OR5H15: variants seen among roughly 807,000 people sequenced by gnomAD.
The protein encoded by OR5H15 is olfactory receptor 5H15.
For missense variants in OR5H15, 405 were observed against 366.1 expected, an observed-to-expected ratio of 1.11 and a Z score of -0.87; for synonymous variants, 153 against 129.1, an observed-to-expected ratio of 1.19 and a Z score of -1.26.
rs4133321 is a variant in OR5H15 at position 98,169,141 on chromosome 3, T to A, written c.442T>A (p.Ser148Thr). The change falls in exon 2 of 2, where the codon TCA becomes ACA. Residue 148 changes from serine (S) to threonine (T), a missense_variant. Ser to Thr is a moderately conservative substitution (Grantham distance 58, BLOSUM62 1). Transcript: ENST00000641450. ...ACTGTGCATCCGGCTATTAATCTTG[T>A]CATATATAGCTGGTATTCTTCATGC... ...NGLCIRLLIL[S>T]YIAGILHALI... 890,237 of 1,612,502 alleles carry A rather than the reference T, an allele frequency of 0.55. 246,525 individuals carry two copies. Among genetic ancestry groups the A allele is most frequent in the African/African-American group, 0.62 (46,662 of 74,862 alleles).
In OR5H15 at chr3:98,168,967, A is replaced by G. The variant is rs1264415242; in HGVS notation, c.268A>G (p.Lys90Glu). Reference protein sequence around the residue: ...KMLNNFLAKSKMISLSECKIQ... With the variant: ...KMLNNFLAKSEMISLSECKIQ... ...GCTGAATAACTTCTTAGCTAAGAGT[A>G]AGATGATATCTCTCTCTGAATGCAA... Residue 90 changes from lysine (K) to glutamate (E), a missense_variant, in exon 2 of 2, where the codon AAG becomes GAG. Transcript: ENST00000641450. The G allele has an allele frequency of 3.7e-6, 6 of 1,613,498 alleles. No individual in the cohort carries two copies. Among genetic ancestry groups the G allele is most frequent in the Admixed American group, 1.7e-5 (1 of 59,964 alleles).
At position 98,168,847 on chromosome 3, in the gene OR5H15, T is replaced by G; in HGVS notation, c.148T>G (p.Trp50Gly). 1 of 1,608,024 alleles carries G rather than the reference T, an allele frequency of 6.2e-7. No individual in the cohort carries two copies. Among genetic ancestry groups the G allele is most frequent in the Non-Finnish European group, 8.5e-7 (1 of 1,174,628 alleles). Residue 50 changes from tryptophan (W) to glycine (G), a missense_variant, in exon 2 of 2, where the codon TGG (tryptophan) becomes GGG (glycine). By Grantham distance (184) the Trp-to-Gly change is radical. Coordinates refer to ENST00000641450, the MANE Select transcript of OR5H15 (RefSeq NM_001005515.2). ...MGNLGLIAVI[W>G]KDPHLHIPMY... is the part of the protein sequence containing the mutation. ...GAATCTTGGTCTGATTGCTGTCATC[T>G]GGAAAGACCCTCACCTTCATATCCC...
rs7623331 is a variant in OR5H15 at position 98,169,679 on chromosome 3, C to T, written c.*38C>T. ...ATTTACTAAAATAGTCACAAAATTA[C>T]GCAAGTTAGAGGTACCTATGTTGTT... On this transcript the variant is annotated 3_prime_UTR_variant, in exon 2 of 2. Transcript: ENST00000641450. 6.7e-3 allele frequency: 9,694 copies of T among 1,447,966 alleles called. 397 individuals carry two copies. In the African/African-American group the frequency reaches 0.098, roughly 15 times the overall value. The allele number at this position is 1,447,966 out of a possible 1,614,324, so 89.7% of individuals were successfully genotyped here.
chr3:98,167,731 C>T (rs996414183), intron 1 of OR5H15, among the ~76,000 whole-genome samples: 2 of 152,140 alleles, frequency 1.3e-5, no homozygotes, highest in South Asian at 4.1e-4. Context: ...ATCATTCCTA[C>T]TGAGATTTAA....
rs1407942929 is a variant in OR5H15, at chr3:98,169,772, T to A, written c.*131T>A. The A allele has an allele frequency of 2.9e-6, 2 of 688,666 alleles. No individual in the cohort carries two copies. The highest frequency in any genetic ancestry group is 5.2e-6 in the Non-Finnish European group (2 of 385,830). The allele number at this position is 688,666 out of a possible 1,614,324, so 42.7% of individuals were successfully genotyped here. A position where few individuals can be genotyped will look rare whatever the true frequency, so the allele number is the denominator to read the frequency against. On this transcript the variant is annotated 3_prime_UTR_variant, in exon 2 of 2. Coordinates refer to ENST00000641450, the MANE Select transcript of OR5H15 (RefSeq NM_001005515.2). The stretch of plus-strand genomic sequence containing the variant: ...TTTAATGACCTAACATTTTAGTACC[T>A]AATAAACTAATTAAAATATTTATAT...
rs749955929 is a variant in OR5H15, at chr3:98,168,951, C to T, written c.252C>T (p.Asn84=). 5 of 1,613,582 alleles carry T rather than the reference C, an allele frequency of 3.1e-6. No individual in the cohort carries two copies. In the South Asian group the frequency reaches 4.4e-5, roughly 14 times the overall value. The change falls in exon 2 of 2, where the codon AAC becomes AAT. Residue 84 remains asparagine (N), a synonymous_variant. Coordinates refer to ENST00000641450, the MANE Select transcript of OR5H15 (RefSeq NM_001005515.2). ...SSTVTPKMLN[N]FLAKSKMISL... ...CAGTGACCCCAAAGATGCTGAATAA[C>T]TTCTTAGCTAAGAGTAAGATGATAT...
At position 98,169,577 on chromosome 3, in the gene OR5H15, G is replaced by A; in HGVS notation, c.878G>A (p.Arg293Lys). ...TTAAATCCTATCATCTACAGTCTGA[G>A]AAATAAGCAAGTCATAGTTTCATTC... ...PLLNPIIYSL[R>K]NKQVIVSFIK... Residue 293 changes from arginine to lysine, a missense_variant, in exon 2 of 2, where the codon AGA (arginine) becomes AAA (lysine). Transcript: ENST00000641450. 6.2e-7 allele frequency: 1 copy of A among 1,609,902 alleles called. No homozygotes were observed. The highest frequency in any genetic ancestry group is 8.5e-7 in the Non-Finnish European group (1 of 1,176,748).
At chr3:98,167,732 T>C (rs1210025697) in intron 1 of OR5H15, among the ~76,000 whole-genome samples, 2 of 152,066 alleles carry the variant, frequency 1.3e-5, no homozygotes, top group Non-Finnish European at 2.9e-5. Flanking sequence ...TCATTCCTAC[T>C]GAGATTTAAT....
intron 1 of OR5H15, among the ~76,000 whole-genome samples, chr3:98,167,584 A>G (rs1462029370): frequency 6.6e-6 from 1 of 151,930 alleles, no homozygotes; most frequent in African/African-American, 2.4e-5. Flanking sequence ...CATTTACAGG[A>G]CATATGTCCA....
In OR5H15 at chr3:98,167,623, C is replaced by T. The variant is rs373593380; in HGVS notation, c.-19+792C>T. 5.3e-5 allele frequency among the ~76,000 whole-genome samples: 8 copies of T among 152,080 alleles called. No individual in the cohort carries two copies. In the South Asian group the frequency reaches 8.3e-4, roughly 16 times the overall value. On this transcript the variant is annotated intron_variant, in intron 1 of 1. Transcript: ENST00000641450. ...TGTTAGCTCTTTAATATAACCTGCT[C>T]GAGTTTATTTTCTTGCCATCTTTTT...
rs377430113 is a variant in OR5H15, at chr3:98,168,773, T to C, written c.74T>C (p.Ile25Thr). The change falls in exon 2 of 2, where the codon ATA becomes ACA. Residue 25 changes from isoleucine (I) to threonine (T), a missense_variant. Transcript: ENST00000641450. ...TTTTTATATCAACCACAGTGGAAAA[T>C]ACCCCTGTTCTTGGCATTCTTGGTA... is the stretch of plus-strand genomic sequence containing the variant. ...TGFLYQPQWKIPLFLAFLVIY... is the reference protein window; with the variant it reads ...TGFLYQPQWKTPLFLAFLVIY... 3 of 1,613,272 alleles carry C rather than the reference T, an allele frequency of 1.9e-6. No individual in the cohort carries two copies. The highest frequency in any genetic ancestry group is 4.5e-5 in the East Asian group (2 of 44,854).
Position 98,169,348 on chromosome 3 carries a change from T to A in OR5H15, c.649T>A (p.Ser217Thr). 6.2e-7 allele frequency: 1 copy of A among 1,613,148 alleles called. No individual in the cohort carries two copies. Among genetic ancestry groups the A allele is most frequent in the Non-Finnish European group, 8.5e-7 (1 of 1,179,410 alleles). ...ATTCAGCATTGTGACTATTCTTATA[T>A]CTTACACATTTGTTCTCTTCACAGT... ...QVFSIVTILI[S>T]YTFVLFTVLE... is the part of the protein sequence containing the mutation. Residue 217 changes from serine to threonine, a missense_variant, in exon 2 of 2, where the codon TCT (serine) becomes ACT (threonine). Coordinates refer to ENST00000641450, the MANE Select transcript of OR5H15 (RefSeq NM_001005515.2).
chr3:98,168,870 C>A lies in OR5H15; in HGVS notation c.171C>A (p.Ile57=). 1.2e-6 allele frequency: 2 copies of A among 1,613,422 alleles called. No individual in the cohort carries two copies. Among genetic ancestry groups the A allele is most frequent in the Non-Finnish European group, 1.7e-6 (2 of 1,179,554 alleles). ...AVIWKDPHLH[I]PMYLLLGNLA... ...TCTGGAAAGACCCTCACCTTCATAT[C>A]CCAATGTACTTACTCCTTGGGAATT... The change falls in exon 2 of 2, where the codon ATC becomes ATA. Residue 57 remains isoleucine (I), a synonymous_variant. Coordinates refer to ENST00000641450, the MANE Select transcript of OR5H15 (RefSeq NM_001005515.2).
rs1708779011 is a variant in OR5H15, at chr3:98,169,573, C to G, written c.874C>G (p.Leu292Val). The change falls in exon 2 of 2, where the codon CTG becomes GTG. Residue 292 changes from leucine (L) to valine (V), a missense_variant. Physicochemically the swap from Leu to Val is conservative, Grantham distance 32. Coordinates refer to ENST00000641450, the MANE Select transcript of OR5H15 (RefSeq NM_001005515.2). ...TTTGTTAAATCCTATCATCTACAGT[C>G]TGAGAAATAAGCAAGTCATAGTTTC... ...IPLLNPIIYSLRNKQVIVSFI... is the reference protein window; with the variant it reads ...IPLLNPIIYSVRNKQVIVSFI... 6.2e-7 allele frequency: 1 copy of G among 1,610,064 alleles called. No homozygotes were observed. The highest frequency in any genetic ancestry group is 8.5e-7 in the Non-Finnish European group (1 of 1,176,884).
chr3:98,166,915 G>A (rs868757076), intron 1 of OR5H15, 84 bp downstream of exon 1: 22 of 152,130 alleles, frequency 1.4e-4, no homozygotes, highest in Middle Eastern at 3.4e-3. Flanking sequence ...ATTTTAGATC[G>A]GGTATACAAG....
intron 1 of OR5H15, 110 bp from the exon 2 acceptor site, chr3:98,168,572 A>G (rs1708751803): frequency 8.0e-7 from 1 of 1,248,900 alleles, no homozygotes; most frequent in Non-Finnish European, 1.1e-6. Flanking sequence ...ACTGATCAAA[A>G]AATTGAGAGG....
rs1225584560 is a variant in OR5H15, at chr3:98,169,660, T to C, written c.*19T>C. 12 of 1,530,614 alleles carry C rather than the reference T, an allele frequency of 7.8e-6. No homozygotes were observed. Among genetic ancestry groups the C allele is most frequent in the Admixed American group, 5.2e-5 (3 of 57,844 alleles). 94.8% of individuals were successfully genotyped at this position (1,530,614 alleles called of 1,614,324 possible). On this transcript the variant is annotated 3_prime_UTR_variant, in exon 2 of 2. Transcript: ENST00000641450. ...ATACTAATATCCTTTTTCTATTTACTAAAATAGTCACAAAATTACGCAAGT... is the reference window on the plus strand; with the variant it reads ...ATACTAATATCCTTTTTCTATTTACCAAAATAGTCACAAAATTACGCAAGT...
At chr3:98,167,078 G>C (rs1025155484) in intron 1 of OR5H15, among the ~76,000 whole-genome samples, 14 of 151,936 alleles carry the variant, frequency 9.2e-5, no homozygotes, top group Admixed American at 6.6e-5. Context: ...TAATGACTTT[G>C]TATGAACTAG....
intron 1 of OR5H15, among the ~76,000 whole-genome samples, chr3:98,167,371 C>T (rs1270158058): frequency 7.5e-6 from 1 of 133,590 alleles, no homozygotes; most frequent in Non-Finnish European, 1.6e-5. Context: ...TCTTTTGTCC[C>T]TGTACTTCTC....
Sources: allele counts gnomAD v4.1 joint callset (sites outside exome capture counted in the v4.1 genomes callset), GRCh38; gene constraint gnomAD v4.1.1; transcripts MANE v1.5; gene names NCBI Gene and HGNC (gene_info 2026-07-23, HGNC 2026-07-21).